ERI1: variants seen among roughly 807,000 people sequenced by gnomAD.
ERI1 encodes the protein exoribonuclease 1.
Under a neutral mutation model 39.7 loss-of-function variants are expected in ERI1, and 39 were observed. That is an observed-to-expected ratio of 0.98 (90% confidence interval 0.76 to 1.28). The LOEUF (loss-of-function observed/expected upper bound fraction) is 1.28. Among genes scored for constraint, ERI1 ranks in the 50% most tolerant of loss-of-function variants. The pLI is 0.00. For missense variants in ERI1, 581 were observed against 416.9 expected, an observed-to-expected ratio of 1.39 and a Z score of -3.43; for synonymous variants, 204 against 149.6, an observed-to-expected ratio of 1.36 and a Z score of -2.65.
chr8:9,068,894 G>A (rs1353681442), intron 3 of ERI1, among the ~76,000 whole-genome samples: 3 of 152,066 alleles, frequency 2.0e-5, no homozygotes, highest in Non-Finnish European at 4.4e-5. Context: ...ATGGCTGACT[G>A]CAGCGTTGAC....
At chr8:9,071,507 C>A (rs1799049721) in intron 3 of ERI1, among the ~76,000 whole-genome samples, 1 of 152,156 alleles carries the variant, frequency 6.6e-6, no homozygotes. Context: ...TAAATGATGT[C>A]CTAATTACGA....
intron 4 of ERI1, among the ~76,000 whole-genome samples, chr8:9,017,358 C>G (rs1215982293): frequency 6.6e-6 from 1 of 152,116 alleles, no homozygotes; most frequent in Non-Finnish European, 1.5e-5. Context: ...ATTTTTAGGT[C>G]TCTGATTTTT....
intron 3 of ERI1, among the ~76,000 whole-genome samples, chr8:9,074,285 T>G (rs2117434852): frequency 6.6e-6 from 1 of 151,754 alleles, no homozygotes; most frequent in East Asian, 1.9e-4. Context: ...TAATTTTTTT[T>G]TTTTCAGTAG....
rs773120911 is a variant in ERI1, at chr8:9,016,314, C to G, written c.499-8C>G. The G allele has an allele frequency of 1.9e-6, 3 of 1,576,352 alleles. No individual in the cohort carries two copies. The East Asian group carries it at 6.9e-5, about 36-fold the overall frequency. On this transcript the variant is annotated splice_polypyrimidine_tract_variant and splice_region_variant and intron_variant, in intron 3 of 6. Transcript: ENST00000250263. ...AAATTACTTTAACTTGCTATCCTTCCCTTGCAGGAAGACACGTTTCAGCAG... is the reference window on the plus strand; with the variant it reads ...AAATTACTTTAACTTGCTATCCTTCGCTTGCAGGAAGACACGTTTCAGCAG...
chr8:9,052,774 G>A (rs559639193), intron 3 of ERI1, among the ~76,000 whole-genome samples: 27 of 152,256 alleles, frequency 1.8e-4, no homozygotes, highest in African/African-American at 5.3e-4. Context: ...GGAAATTTCC[G>A]AGTGGTTCGA....
intron 6 of ERI1, among the ~76,000 whole-genome samples, chr8:9,020,948 C>T (rs893118076): frequency 6.6e-6 from 1 of 151,816 alleles, no homozygotes; most frequent in Non-Finnish European, 1.5e-5. Flanking sequence ...CAAATATTTA[C>T]CTTTGTATTT....
chr8:9,004,485 CTTTT>C (rs71201904), intron 1 of ERI1, among the ~76,000 whole-genome samples: 20,520 of 78,496 alleles, frequency 0.26, 2,336 homozygotes, highest in Non-Finnish European at 0.34. Context: ...TATAGTGATA[CTTTT>C]TTTTTTTTTT....
At chr8:9,089,480 G>A (rs1322413344) in intron 3 of ERI1, among the ~76,000 whole-genome samples, 2 of 152,156 alleles carry the variant, frequency 1.3e-5, no homozygotes, top group Non-Finnish European at 2.9e-5. Flanking sequence ...GGTTTGCAAA[G>A]TATGTTCCAT....
At chr8:9,003,212 C>T (rs1165999963) in intron 1 of ERI1, 41 bp downstream of exon 1, 6 of 1,195,534 alleles carry the variant, frequency 5.0e-6, no homozygotes, top group Non-Finnish European at 6.3e-6. Context: ...CGCCAGCTGC[C>T]CCGTCCCCAA....
chr8:9,055,093 G>C (rs1798465473), intron 3 of ERI1, among the ~76,000 whole-genome samples: 1 of 152,182 alleles, frequency 6.6e-6, no homozygotes, highest in Non-Finnish European at 1.5e-5. Flanking sequence ...GCCAGAGTAG[G>C]CTCAGAGATG....
Position 9,030,439 on chromosome 8 carries a change from A to T in ERI1, c.*405A>T, listed in dbSNP as rs1039477005. ...ATGAAACCATATCTTAAAATGCAGA[A>T]ATGATTGGAAGGTAGATCTTATCTA... is the stretch of plus-strand genomic sequence containing the variant. On this transcript the variant is annotated 3_prime_UTR_variant, in exon 7 of 7. Transcript: ENST00000250263. 1.7e-5 allele frequency: 3 copies of T among 177,098 alleles called. No individual in the cohort carries two copies. Among genetic ancestry groups the T allele is most frequent in the African/African-American group, 7.1e-5 (3 of 42,434 alleles). The allele number at this position is 177,098 out of a possible 1,614,324, so 11.0% of individuals were successfully genotyped here.
intron 3 of ERI1, among the ~76,000 whole-genome samples, chr8:9,079,548 C>G (rs976939642): frequency 2.0e-4 from 31 of 152,116 alleles, no homozygotes; most frequent in Admixed American, 1.4e-3. Flanking sequence ...ATGACTGTGT[C>G]GATCTAAAAG....
chr8:9,016,548 TAA>T (rs367694054), intron 4 of ERI1, 143 bp downstream of exon 4: 154 of 339,326 alleles, frequency 4.5e-4, no homozygotes, highest in South Asian at 7.9e-4. Flanking sequence ...TTGTAATAAT[TAA>T]AAAAAAAAAA....
intron 3 of ERI1, among the ~76,000 whole-genome samples, chr8:9,075,325 A>C (rs906305272): frequency 5.3e-5 from 8 of 152,108 alleles, no homozygotes; most frequent in African/African-American, 1.9e-4. Context: ...GTTATATACT[A>C]TGAGGAAATG....
chr8:9,035,251 C>G (rs1299151896), downstream of ERI1, among the ~76,000 whole-genome samples: 2 of 152,158 alleles, frequency 1.3e-5, no homozygotes, highest in Non-Finnish European at 2.9e-5. Context: ...CCACACCATA[C>G]AACAGGTTTT....
Position 9,031,074 on chromosome 8 carries a change from T to C in ERI1, c.*1040T>C, listed in dbSNP as rs1475357212. ...TCGACTTGATAAGGTAAAACTCTTA[T>C]CTAGAGGCTAAACCCATGTATTTTC... On this transcript the variant is annotated 3_prime_UTR_variant, in exon 7 of 7. Transcript: ENST00000250263. 2.0e-5 allele frequency: 3 copies of C among 152,208 alleles called. No homozygotes were observed. The highest frequency in any genetic ancestry group is 4.4e-5 in the Non-Finnish European group (3 of 68,022). 9.4% of individuals were successfully genotyped at this position (152,208 alleles called of 1,614,324 possible).
chr8:9,052,045 G>C (rs564151045), intron 3 of ERI1, among the ~76,000 whole-genome samples: 6 of 152,316 alleles, frequency 3.9e-5, no homozygotes, highest in Non-Finnish European at 5.9e-5. Context: ...AGAAATGAAA[G>C]AATTAATGTT....
At chr8:9,073,657 A>G (rs1799123727) in intron 3 of ERI1, among the ~76,000 whole-genome samples, 1 of 148,160 alleles carries the variant, frequency 6.7e-6, no homozygotes, top group African/African-American at 2.4e-5. Context: ...GAAAAATTAT[A>G]TTCTTCTGGT....
chr8:9,048,804 A>G (rs1798259637), intron 3 of ERI1, among the ~76,000 whole-genome samples: 1 of 151,864 alleles, frequency 6.6e-6, no homozygotes, highest in South Asian at 2.1e-4. Flanking sequence ...GCCCCTGGCT[A>G]ATTATTATTA....
Sources: allele counts gnomAD v4.1 joint callset (sites outside exome capture counted in the v4.1 genomes callset), GRCh38; gene constraint gnomAD v4.1.1; transcripts MANE v1.5; gene names NCBI Gene and HGNC (gene_info 2026-07-23, HGNC 2026-07-21).